The following LARGE1 variants were observed in gnomAD, a reference collection of about 807,000 sequenced individuals.
LARGE1 encodes the protein xylosyl- and glucuronyltransferase LARGE1.
In LARGE1, 43 loss-of-function variants were observed where a neutral mutation model predicts 87.6. That is an observed-to-expected ratio of 0.49 (90% CI 0.38 to 0.63). The LOEUF is 0.63. Ranked by LOEUF, LARGE1 falls within the 30% of genes least tolerant of loss-of-function variation. The pLI, the probability that LARGE1 is intolerant of heterozygous loss-of-function variation, is 0.00. For missense variants in LARGE1, 802 were observed against 1,000.2 expected (o/e 0.80, Z 2.67); for synonymous variants, 434 against 394.6 (o/e 1.10, Z -1.18).
At chr22:33,107,078 T>G in the LARGE1 span, among the ~76,000 whole-genome samples, 1 of 152,198 alleles carries the variant, frequency 6.6e-6, no homozygotes, top group Non-Finnish European at 1.5e-5. Flanking sequence ...ATACTTCTAA[T>G]GCAAAAGAGT....
intron 9 of LARGE1, among the ~76,000 whole-genome samples, chr22:33,372,027 G>A (rs969930234): frequency 1.3e-5 from 2 of 151,402 alleles, no homozygotes; most frequent in African/African-American, 2.4e-5. Context: ...TGGAATAAAT[G>A]GAATGTGGAA....
chr22:33,087,656 C>T, the LARGE1 span, among the ~76,000 whole-genome samples: 15 of 152,010 alleles, frequency 9.9e-5, no homozygotes, highest in Non-Finnish European at 1.5e-4. Flanking sequence ...AATTTTAGGC[C>T]GGGCGTGGTG....
chr22:33,882,632 A>C (rs182504543), intron 1 of LARGE1, among the ~76,000 whole-genome samples: 2 of 152,340 alleles, frequency 1.3e-5, no homozygotes, highest in Admixed American at 1.3e-4. Flanking sequence ...ACTACAAATA[A>C]GGTATTTTGC....
At chr22:33,068,374 G>A in the LARGE1 span, among the ~76,000 whole-genome samples, 71 of 152,276 alleles carry the variant, frequency 4.7e-4, no homozygotes, top group Admixed American at 3.9e-3. Context: ...GGCCGGGCAC[G>A]GTGGCTCACG....
At chr22:33,245,189 C>G (rs1470667333) in intron 11 of LARGE1, among the ~76,000 whole-genome samples, 3 of 152,146 alleles carry the variant, frequency 2.0e-5, no homozygotes, top group African/African-American at 7.2e-5. Flanking sequence ...GGAGCCAAAT[C>G]AGGACAGCAA....
At chr22:33,303,378 T>C (rs1340503496) in intron 12 of LARGE1, among the ~76,000 whole-genome samples, 2 of 152,062 alleles carry the variant, frequency 1.3e-5, no homozygotes, top group Non-Finnish European at 2.9e-5. Flanking sequence ...CTGGTCTCGG[T>C]CCCACAGTTC....
the LARGE1 span, among the ~76,000 whole-genome samples, chr22:33,127,592 T>C: frequency 6.6e-6 from 1 of 152,354 alleles, no homozygotes; most frequent in Admixed American, 6.5e-5. Flanking sequence ...TCAACTCTTT[T>C]AAAGTTCCAC....
At chr22:33,294,863 T>C (rs542518812) in intron 12 of LARGE1, among the ~76,000 whole-genome samples, 40 of 152,258 alleles carry the variant, frequency 2.6e-4, no homozygotes, top group African/African-American at 8.4e-4. Flanking sequence ...GTAGAGAGGA[T>C]GGGACTGTGA....
In LARGE1 at chr22:33,203,066, ACTCTCTCTCTCTCTCTCTCTCT is replaced by A. The variant is rs35446457; in HGVS notation, c.1731-36256_1731-36235del. ...TAGAACCTAGAAAAATAGAATCTAAACTCTCTCTCTCTCTCTCTCTCTCTCTCTCTCTCTCTGTGTGTGTGTG... is the reference window on the plus strand; with the variant it reads ...TAGAACCTAGAAAAATAGAATCTAAACTCTCTCTCTCTCTGTGTGTGTGTG... On this transcript the variant is annotated intron_variant, in intron 11 of 11. Transcript: ENST00000608642. Among the ~76,000 whole-genome samples, 60 of 139,478 alleles carry A rather than the reference ACTCTCTCTCTCTCTCTCTCTCT, an allele frequency of 4.3e-4. 1 individual carries two copies. Among genetic ancestry groups the A allele is most frequent in the African/African-American group, 1.4e-3 (51 of 37,280 alleles). 91.5% of individuals were successfully genotyped at this position (139,478 alleles called of 152,430 possible).
intron 10 of LARGE1, among the ~76,000 whole-genome samples, chr22:33,324,270 AAAAACAAAAAGC>A: frequency 1.6e-5 from 2 of 121,728 alleles, no homozygotes; most frequent in African/African-American, 7.4e-5. Context: ...CCAAAAAAAC[AAAAACAAAAAGC>A]CAAAAACAAA....
chr22:33,539,104 T>C (rs2077118150), intron 6 of LARGE1, among the ~76,000 whole-genome samples: 1 of 152,234 alleles, frequency 6.6e-6, no homozygotes, highest in African/African-American at 2.4e-5. Context: ...TGTGTATATA[T>C]GCCTGTATAA....
chr22:33,089,368 TCTC>T, the LARGE1 span, among the ~76,000 whole-genome samples: 7,108 of 78,052 alleles, frequency 0.091, 338 homozygotes, highest in East Asian at 0.19. Context: ...TTCTTCTTCT[TCTC>T]CTTCTTCTTC....
chr22:33,112,004 A>T, the LARGE1 span, among the ~76,000 whole-genome samples: 1 of 152,224 alleles, frequency 6.6e-6, no homozygotes, highest in East Asian at 1.9e-4. Context: ...AAGGCTTGAG[A>T]TCTGAGGGTT....
At chr22:33,419,468 G>A (rs1477269096) in intron 7 of LARGE1, among the ~76,000 whole-genome samples, 1 of 152,136 alleles carries the variant, frequency 6.6e-6, no homozygotes, top group Admixed American at 6.5e-5. Context: ...GCCTTTGCAC[G>A]TGCCGTCCTC....
the LARGE1 span, among the ~76,000 whole-genome samples, chr22:33,148,927 C>T: frequency 1.3e-5 from 2 of 151,834 alleles, no homozygotes; most frequent in Middle Eastern, 3.2e-3. Flanking sequence ...TGGTATCTTA[C>T]TAAATTTGGA....
intron 2 of LARGE1, among the ~76,000 whole-genome samples, chr22:33,745,723 C>T (rs898274356): frequency 2.0e-5 from 3 of 152,102 alleles, no homozygotes; most frequent in African/African-American, 7.2e-5. Flanking sequence ...CCACAGAAGC[C>T]AAGGCAACTG....
At chr22:33,248,797 T>C (rs1926886947) in intron 11 of LARGE1, among the ~76,000 whole-genome samples, 1 of 152,218 alleles carries the variant, frequency 6.6e-6, no homozygotes, top group South Asian at 2.1e-4. Context: ...ATAGTTGGAA[T>C]CATACAGTGC....
chr22:33,661,201 C>G (rs988626251), intron 2 of LARGE1, among the ~76,000 whole-genome samples: 3 of 148,524 alleles, frequency 2.0e-5, no homozygotes, highest in African/African-American at 7.5e-5. Context: ...TATTTATTAC[C>G]AAAAAAGGTT....
At chr22:33,779,634 C>T (rs1374380056) in intron 1 of LARGE1, among the ~76,000 whole-genome samples, 1 of 151,752 alleles carries the variant, frequency 6.6e-6, no homozygotes, top group East Asian at 1.9e-4. Context: ...ACAAAAATTG[C>T]CAGATGTGGA....
Sources: allele counts gnomAD v4.1 joint callset (sites outside exome capture counted in the v4.1 genomes callset), GRCh38; gene constraint gnomAD v4.1.1; transcripts MANE v1.5; gene names NCBI Gene and HGNC (gene_info 2026-07-23, HGNC 2026-07-21).